The following AFDN variants were observed in gnomAD, a reference collection of about 807,000 sequenced individuals.
AFDN encodes the protein afadin.
Under a neutral mutation model 216.6 loss-of-function variants are expected in AFDN, and 68 were observed. The ratio of observed to expected loss-of-function variants is 0.31; its 90% CI spans 0.26 to 0.38. The LOEUF is 0.38. AFDN is among the 10% of genes least tolerant of loss of function. The pLI is 1.00. For missense variants in AFDN, 2,136 were observed against 2,342.0 expected, an observed-to-expected ratio of 0.91 and a Z score of 1.82; for synonymous variants, 868 against 853.7, an observed-to-expected ratio of 1.02 and a Z score of -0.29.
intron 26 of AFDN, among the ~76,000 whole-genome samples, chr6:167,945,327 C>T (rs868776953): frequency 5.3e-5 from 8 of 152,164 alleles, no homozygotes; most frequent in Admixed American, 6.5e-5. Context: ...TGCCATGGAG[C>T]CATCACCTCC....
intron 23 of AFDN, among the ~76,000 whole-genome samples, chr6:167,934,704 C>G (rs531348789): frequency 6.7e-6 from 1 of 148,874 alleles, no homozygotes; most frequent in African/African-American, 2.5e-5. Context: ...TCCTCCTGCT[C>G]TTTTTTTTTT....
intron 23 of AFDN, among the ~76,000 whole-genome samples, chr6:167,929,045 T>C (rs1792934596): frequency 6.6e-6 from 1 of 152,204 alleles, no homozygotes; most frequent in Non-Finnish European, 1.5e-5. Flanking sequence ...TAATGTGATT[T>C]AGGAGTCTGC....
intron 1 of AFDN, among the ~76,000 whole-genome samples, chr6:167,847,332 T>G (rs936443074): frequency 1.3e-5 from 2 of 152,210 alleles, no homozygotes; most frequent in Non-Finnish European, 2.9e-5. Flanking sequence ...AATTTACATC[T>G]CTAAGTTTGG....
intron 1 of AFDN, among the ~76,000 whole-genome samples, chr6:167,859,846 G>T (rs1783341184): frequency 6.6e-6 from 1 of 151,170 alleles, no homozygotes; most frequent in Admixed American, 6.6e-5. Flanking sequence ...TTTTGTTTTG[G>T]AGTTGACCTA....
chr6:167,905,771 A>G (rs1301731715), intron 12 of AFDN, among the ~76,000 whole-genome samples: 2 of 152,136 alleles, frequency 1.3e-5, no homozygotes, highest in Non-Finnish European at 1.5e-5. Context: ...TAGTGTGTAA[A>G]TAGTATTGCC....
intron 6 of AFDN, among the ~76,000 whole-genome samples, chr6:167,881,617 T>C (rs940414524): frequency 6.6e-6 from 1 of 152,182 alleles, no homozygotes; most frequent in Admixed American, 6.5e-5. Flanking sequence ...GAAATTGGGC[T>C]GAAAGTTTCT....
At chr6:167,862,886 T>C (rs1783752734) in intron 1 of AFDN, among the ~76,000 whole-genome samples, 2 of 152,342 alleles carry the variant, frequency 1.3e-5, no homozygotes, top group South Asian at 2.1e-4. Flanking sequence ...GGCCCTCCTT[T>C]ACTCCAGAAT....
intron 22 of AFDN, among the ~76,000 whole-genome samples, chr6:167,923,996 C>G (rs918828501): frequency 1.3e-5 from 2 of 152,064 alleles, no homozygotes; most frequent in African/African-American, 2.4e-5. Flanking sequence ...CTTCTGTTTA[C>G]CCAATTTTGT....
chr6:167,947,206 A>C (rs889578296), intron 27 of AFDN, among the ~76,000 whole-genome samples: 1 of 148,312 alleles, frequency 6.7e-6, no homozygotes, highest in Non-Finnish European at 1.5e-5. Flanking sequence ...ACGGAGTCTC[A>C]CTCTCTCGCC....
At chr6:167,959,442 G>A (rs1050387330) in intron 30 of AFDN, among the ~76,000 whole-genome samples, 23 of 152,128 alleles carry the variant, frequency 1.5e-4, no homozygotes, top group Non-Finnish European at 2.5e-4. Flanking sequence ...GAGGTACTCC[G>A]ATTCAATCAT....
intron 4 of AFDN, 47 bp downstream of exon 4, chr6:167,872,424 G>GATGT (rs1262492660): frequency 6.4e-7 from 1 of 1,561,762 alleles, no homozygotes. Context: ...CTCCAAATCA[G>GATGT]ATGTTTTTGT....
intron 30 of AFDN, among the ~76,000 whole-genome samples, chr6:167,957,753 AC>A (rs1796665734): frequency 6.6e-6 from 1 of 150,816 alleles, no homozygotes; most frequent in Non-Finnish European, 1.5e-5. Context: ...GGTGGCCGTG[AC>A]TGTGGCTGCA....
rs1795920425 is a variant in AFDN at position 167,951,051 on chromosome 6, C to T, written c.3832-135C>T. ...CTGTTACTCCACATTAGCCAATGAG[C>T]CTTGTAGGGCAGTCTCAGTCTCTTT... On this transcript the variant is annotated intron_variant, in intron 29 of 33. Transcript: ENST00000683244. This position sits in a 1 kb window ranked among gnomAD's most constrained non-coding sequence, Gnocchi z 7.1. 7.6e-7 allele frequency: 1 copy of T among 1,310,792 alleles called. No homozygotes were observed. The highest frequency in any genetic ancestry group is 1.0e-6 in the Non-Finnish European group (1 of 995,184). The allele number at this position is 1,310,792 out of a possible 1,614,324, so 81.2% of individuals were successfully genotyped here.
chr6:167,961,451 C>G (rs921851654), intron 30 of AFDN, among the ~76,000 whole-genome samples: 5 of 152,126 alleles, frequency 3.3e-5, no homozygotes, highest in Non-Finnish European at 5.9e-5. Context: ...GTTGTTAATC[C>G]AGGGTTCCTC....
chr6:167,864,528 T>C (rs779756064), intron 1 of AFDN, 23 bp from the exon 2 acceptor site: 3 of 1,595,090 alleles, frequency 1.9e-6, no homozygotes, highest in Non-Finnish European at 2.6e-6. Flanking sequence ...TTTCCAAAAA[T>C]GTACCATTTT....
chr6:167,884,957 C>A (rs1441771983), intron 6 of AFDN, among the ~76,000 whole-genome samples: 1 of 152,200 alleles, frequency 6.6e-6, no homozygotes, highest in African/African-American at 2.4e-5. Flanking sequence ...CATCAGTGGT[C>A]TTAGCTAGAT....
In AFDN at chr6:167,870,444, T is replaced by C; in HGVS notation, c.360T>C (p.Asp120=). The C allele has an allele frequency of 1.2e-6, 2 of 1,612,730 alleles. No individual in the cohort carries two copies. The highest frequency in any genetic ancestry group is 1.7e-6 in the Non-Finnish European group (2 of 1,179,332). The change falls in exon 3 of 34, where the codon GAT becomes GAC. Residue 120 remains aspartate, a synonymous_variant. Coordinates refer to ENST00000683244, the MANE Select transcript of AFDN (RefSeq NM_001386888.1). The part of the protein sequence containing the change: ...PLVVQLNWNK[D]DREGRFVLKN... Reference sequence around the variant, plus strand: ...TTGTACAACTGAATTGGAACAAAGATGATCGGGAAGGCAGATTTGTTCTTA... The same window carrying C: ...TTGTACAACTGAATTGGAACAAAGACGATCGGGAAGGCAGATTTGTTCTTA...
intron 12 of AFDN, among the ~76,000 whole-genome samples, chr6:167,904,278 G>A (rs1467144887): frequency 2.0e-5 from 3 of 151,168 alleles, no homozygotes; most frequent in African/African-American, 4.9e-5. Flanking sequence ...GCATGATCTC[G>A]GCTCACTGCA....
chr6:167,834,481 G>C (rs1213447109), intron 1 of AFDN, among the ~76,000 whole-genome samples: 1 of 15,542 alleles, frequency 6.4e-5, no homozygotes, highest in Non-Finnish European at 1.2e-4. Context: ...TTTTTTTTTC[G>C]AAAGGTATAA....
Sources: allele counts gnomAD v4.1 joint callset (sites outside exome capture counted in the v4.1 genomes callset), GRCh38; gene constraint gnomAD v4.1.1; non-coding constraint Gnocchi (gnomAD v3.1); transcripts MANE v1.5; gene names NCBI Gene and HGNC (gene_info 2026-07-23, HGNC 2026-07-21).